Variants in UVRAG observed in about 807,000 individuals in gnomAD.
UVRAG encodes UV radiation resistance-associated gene protein.
Under a neutral mutation model 78.0 loss-of-function variants are expected in UVRAG, and 19 were observed. That is an observed-to-expected ratio of 0.24 (90% CI 0.17 to 0.36). The LOEUF (loss-of-function observed/expected upper bound fraction) is 0.36. Among genes scored for constraint, UVRAG ranks in the 10% least tolerant of loss-of-function variants. UVRAG has a pLI of 1.00. For synonymous variants in UVRAG, 323 were observed against 324.6 expected (o/e 1.00, Z 0.05); for missense variants, 740 against 853.8 (o/e 0.87, Z 1.66).
chr11:76,076,151 T>G (rs112538284), intron 13 of UVRAG, among the ~76,000 whole-genome samples: 1 of 152,172 alleles, frequency 6.6e-6, no homozygotes, highest in Admixed American at 6.5e-5. Flanking sequence ...ATGTTTAAAT[T>G]TGAGGAATTG....
chr11:76,054,066 T>TA (rs1190262391), intron 12 of UVRAG, among the ~76,000 whole-genome samples: 3 of 152,122 alleles, frequency 2.0e-5, no homozygotes, highest in Admixed American at 6.5e-5. Flanking sequence ...CATAGTCTGG[T>TA]ACCTGCTGAT....
At chr11:75,952,333 G>A (rs1459221066) in intron 6 of UVRAG, among the ~76,000 whole-genome samples, 4 of 152,062 alleles carry the variant, frequency 2.6e-5, no homozygotes, top group Non-Finnish European at 5.9e-5. Context: ...AGTGATGAAA[G>A]TGGGTATCTT....
chr11:75,884,472 A>G (rs1947033918), intron 4 of UVRAG, among the ~76,000 whole-genome samples: 2 of 151,816 alleles, frequency 1.3e-5, no homozygotes, highest in African/African-American at 4.8e-5. Context: ...TTTGTGTCTT[A>G]TCTTTGCCTA....
chr11:75,905,695 T>G (rs1947599243), intron 5 of UVRAG, among the ~76,000 whole-genome samples: 2 of 152,172 alleles, frequency 1.3e-5, no homozygotes, highest in Admixed American at 6.5e-5. Flanking sequence ...CACATTTTGT[T>G]TATTCATGTC....
chr11:75,820,378 G>A (rs534344656), intron 1 of UVRAG, among the ~76,000 whole-genome samples: 64 of 144,276 alleles, frequency 4.4e-4, no homozygotes, highest in African/African-American at 1.6e-3. Context: ...TTTTTGAGAC[G>A]GAGTCTCACT....
chr11:75,972,080 C>A (rs1437502034), intron 7 of UVRAG, among the ~76,000 whole-genome samples: 3 of 151,836 alleles, frequency 2.0e-5, no homozygotes, highest in Non-Finnish European at 4.4e-5. Context: ...ATAGTGAGAC[C>A]CCGTCTGTAT....
chr11:75,846,280 T>TA (rs1334141534), intron 1 of UVRAG, among the ~76,000 whole-genome samples: 2 of 151,562 alleles, frequency 1.3e-5, no homozygotes, highest in African/African-American at 4.9e-5. Flanking sequence ...GACAAGTTCT[T>TA]AGATGTGAAG....
At chr11:75,879,191 C>A (rs911711077) in intron 3 of UVRAG, among the ~76,000 whole-genome samples, 1 of 152,162 alleles carries the variant, frequency 6.6e-6, no homozygotes, top group African/African-American at 2.4e-5. Context: ...TAGCAAAAGG[C>A]ATAAAAGATC....
intron 14 of UVRAG, among the ~76,000 whole-genome samples, chr11:76,121,593 G>A (rs1321146600): frequency 1.3e-5 from 2 of 152,194 alleles, no homozygotes; most frequent in East Asian, 1.9e-4. Flanking sequence ...GATTATGTGC[G>A]AGGTTGCTGT....
At chr11:75,907,811 C>G (rs1216287817) in intron 5 of UVRAG, among the ~76,000 whole-genome samples, 2 of 151,980 alleles carry the variant, frequency 1.3e-5, no homozygotes, top group Non-Finnish European at 2.9e-5. Flanking sequence ...TTACAGGTGC[C>G]TAGCCTGATT....
chr11:76,136,784 C>T (rs369584778), intron 14 of UVRAG, among the ~76,000 whole-genome samples: 5 of 152,158 alleles, frequency 3.3e-5, no homozygotes, highest in South Asian at 2.1e-4. Context: ...AGGTGTTAGC[C>T]GCCACACCTG....
chr11:75,897,616 C>T (rs912126088), intron 5 of UVRAG, among the ~76,000 whole-genome samples: 2 of 151,514 alleles, frequency 1.3e-5, no homozygotes, highest in African/African-American at 4.9e-5. Context: ...CCTCTGCCTC[C>T]CAGGTTCAAT....
At chr11:75,913,245 C>T (rs1947775935) in intron 6 of UVRAG, among the ~76,000 whole-genome samples, 1 of 152,006 alleles carries the variant, frequency 6.6e-6, no homozygotes, top group South Asian at 2.1e-4. Context: ...GATTGTGTGA[C>T]CTTATTAGAG....
intron 6 of UVRAG, among the ~76,000 whole-genome samples, chr11:75,950,597 G>A (rs1417810944): frequency 6.6e-6 from 1 of 152,068 alleles, no homozygotes; most frequent in Non-Finnish European, 1.5e-5. Context: ...TACGAGAGGT[G>A]TATATTTAAC....
At chr11:75,921,444 A>C (rs778362921) in intron 6 of UVRAG, among the ~76,000 whole-genome samples, 1 of 152,208 alleles carries the variant, frequency 6.6e-6, no homozygotes, top group Non-Finnish European at 1.5e-5. Context: ...CATTTTTCTC[A>C]TAAGTTCCTA....
At chr11:75,987,980 T>G (rs7930115) in intron 8 of UVRAG, among the ~76,000 whole-genome samples, 1 of 152,028 alleles carries the variant, frequency 6.6e-6, no homozygotes, top group Non-Finnish European at 1.5e-5. Flanking sequence ...TCAGGTGATC[T>G]GCCCGCCTTG....
chr11:75,881,958 T>C (rs961765700), intron 4 of UVRAG, among the ~76,000 whole-genome samples: 2 of 152,140 alleles, frequency 1.3e-5, no homozygotes, highest in African/African-American at 2.4e-5. Flanking sequence ...GCCTGGCTGA[T>C]TTAAAAATTC....
At chr11:75,890,444 G>A (rs1730924332) in intron 5 of UVRAG, among the ~76,000 whole-genome samples, 1 of 152,190 alleles carries the variant, frequency 6.6e-6, no homozygotes, top group Non-Finnish European at 1.5e-5. Context: ...TAAGGCATAA[G>A]AAAAAGGAGG....
chr11:76,134,598 C>G (rs142086328), intron 14 of UVRAG, among the ~76,000 whole-genome samples: 2 of 152,112 alleles, frequency 1.3e-5, no homozygotes, highest in African/African-American at 4.8e-5. Flanking sequence ...TACCTATTAC[C>G]CTGTGTTCCT....
Sources: allele counts gnomAD v4.1 joint callset (sites outside exome capture counted in the v4.1 genomes callset), GRCh38; gene constraint gnomAD v4.1.1; transcripts MANE v1.5; gene names NCBI Gene and HGNC (gene_info 2026-07-23, HGNC 2026-07-21).